Variants in USP34 observed in about 807,000 individuals in gnomAD.
USP34 encodes the protein ubiquitin carboxyl-terminal hydrolase 34.
USP34 carries 70 observed loss-of-function variants against 460.3 expected under a neutral mutation model. The ratio of observed to expected loss-of-function variants is 0.15; its 90% CI spans 0.13 to 0.19. The LOEUF is 0.19. USP34 is among the 10% of genes least tolerant of loss of function. The probability of loss-of-function intolerance (pLI) is 1.00; values close to 1 mark genes in which losing one functional copy is unlikely to be tolerated. For missense variants in USP34, 3,985 were observed against 4,236.2 expected (o/e 0.94, Z 1.65); for synonymous variants, 1,647 against 1,405.3 (o/e 1.17, Z -3.85).
chr2:61,462,735 C>T (rs1029810705), intron 1 of USP34, among the ~76,000 whole-genome samples: 2 of 151,758 alleles, frequency 1.3e-5, no homozygotes, highest in Admixed American at 1.3e-4. Context: ...ATGGCACATG[C>T]CTATAATCCC....
At chr2:61,291,591 T>C (rs1364917907) in intron 33 of USP34, among the ~76,000 whole-genome samples, 2 of 152,222 alleles carry the variant, frequency 1.3e-5, no homozygotes, top group African/African-American at 4.8e-5. Context: ...TGTTTGTGTG[T>C]GCATATATAT....
chr2:61,353,855 T>C (rs1692027678), intron 10 of USP34, among the ~76,000 whole-genome samples: 1 of 151,806 alleles, frequency 6.6e-6, no homozygotes, highest in Non-Finnish European at 1.5e-5. Flanking sequence ...AAAAAGAAAT[T>C]ATGGAAATGA....
rs2103777407 is a variant in USP34, at chr2:61,347,864, G to T, written c.2285+6C>A. 6.2e-7 allele frequency: 1 copy of T among 1,611,522 alleles called. No homozygotes were observed. Among genetic ancestry groups the T allele is most frequent in the African/African-American group, 1.3e-5 (1 of 74,962 alleles). ...GAACTGAATATTTATTTTGAAGTAG[G>T]CTTACCCATCGTGGTGGTGGTGATG... On this transcript the variant is annotated splice_donor_region_variant and intron_variant, in intron 15 of 79. Transcript: ENST00000398571.
intron 50 of USP34, among the ~76,000 whole-genome samples, 179 bp downstream of exon 50, chr2:61,246,145 T>C (rs1688411357): frequency 1.3e-5 from 2 of 152,236 alleles, no homozygotes; most frequent in Admixed American, 1.3e-4. Flanking sequence ...TCTCAAGAGT[T>C]AAAAGATCCG....
At chr2:61,369,264 A>C (rs1572974903) in intron 10 of USP34, among the ~76,000 whole-genome samples, 2 of 152,244 alleles carry the variant, frequency 1.3e-5, no homozygotes, top group East Asian at 3.8e-4. Context: ...CTTGTAAGTA[A>C]GAATTTATCA....
intron 75 of USP34, among the ~76,000 whole-genome samples, chr2:61,194,362 T>C (rs1686732157): frequency 1.3e-5 from 2 of 152,248 alleles, no homozygotes; most frequent in Admixed American, 6.5e-5. Context: ...TCTGTGGCTA[T>C]AGGGAAGAGA....
Position 61,259,855 on chromosome 2 carries a change from C to CA in USP34, c.5779-80dup. ...AGGCATTCTAGCAAAGAAAGTCTTG[C>CA]AATGTACACTGTATCTGTTTTCATT... On this transcript the variant is annotated intron_variant, in intron 43 of 79. Coordinates refer to ENST00000398571, the MANE Select transcript of USP34 (RefSeq NM_014709.4). 6 of 1,284,028 alleles carry CA rather than the reference C, an allele frequency of 4.7e-6. No homozygotes were observed. In the South Asian group the frequency reaches 6.1e-5, roughly 13 times the overall value. 79.5% of individuals were successfully genotyped at this position (1,284,028 alleles called of 1,614,324 possible). A position where few individuals can be genotyped will look rare whatever the true frequency, so the allele number is the denominator to read the frequency against.
intron 6 of USP34, among the ~76,000 whole-genome samples, chr2:61,382,497 C>T (rs957340469): frequency 1.1e-4 from 17 of 152,220 alleles, no homozygotes; most frequent in African/African-American, 4.1e-4. Flanking sequence ...AGGCCCCATA[C>T]TCCCTCTGTA....
At chr2:61,346,727 T>C (rs1024351781) in intron 15 of USP34, among the ~76,000 whole-genome samples, 1 of 143,586 alleles carries the variant, frequency 7.0e-6, no homozygotes, top group African/African-American at 2.6e-5. Flanking sequence ...AGCTGCTCAG[T>C]AGGCTGAAGC....
At chr2:61,243,553 C>T (rs1181372914) in intron 51 of USP34, among the ~76,000 whole-genome samples, 1 of 118,184 alleles carries the variant, frequency 8.5e-6, no homozygotes, top group Non-Finnish European at 1.7e-5. Context: ...TCCTCTTCTT[C>T]CTTCATTTTT....
At position 61,311,668 on chromosome 2, in the gene USP34, G is replaced by A; in HGVS notation, c.3689C>T (p.Pro1230Leu). ...CCTAAGATCTGCTACCTGGTCACTA[G>A]GATACATTTCAATAGTCATCTGAAA... ...LPDKMTIEMY[P>L]SDQVADLRAE... The change falls in exon 27 of 80, where the codon CCT (proline) becomes CTT (leucine). Residue 1230 changes from proline to leucine, a missense_variant. Around this residue, in one of 14 missense-constraint regions of USP34, gnomAD observed 1,114 missense variants for 1,122.5 expected, o/e 0.99. Coordinates refer to ENST00000398571, the MANE Select transcript of USP34 (RefSeq NM_014709.4). 3 of 1,612,316 alleles carry A rather than the reference G, an allele frequency of 1.9e-6. No homozygotes were observed. Among genetic ancestry groups the A allele is most frequent in the Non-Finnish European group, 2.5e-6 (3 of 1,179,542 alleles).
At chr2:61,236,895 T>C (rs1323923838) in intron 53 of USP34, among the ~76,000 whole-genome samples, 1 of 152,244 alleles carries the variant, frequency 6.6e-6, no homozygotes, top group African/African-American at 2.4e-5. Context: ...CTTACATTTT[T>C]GTCAGTTCTA....
At chr2:61,279,015 A>G (rs1196503874) in intron 39 of USP34, among the ~76,000 whole-genome samples, 1 of 152,176 alleles carries the variant, frequency 6.6e-6, no homozygotes, top group African/African-American at 2.4e-5. Context: ...CCTCAAAGAA[A>G]CCCAAATCTC....
rs1474105858 is a variant in USP34 at position 61,234,957 on chromosome 2, AT to A, written c.7032+887del. Among the ~76,000 whole-genome samples, 25 of 152,244 alleles carry A rather than the reference AT, an allele frequency of 1.6e-4. 1 individual carries two copies. Among genetic ancestry groups the A allele is most frequent in the African/African-American group, 5.8e-4 (24 of 41,544 alleles). ...AGTCCCAAGTTTCTGTTTTAAATAA[AT>A]TCTGGGGATCTTATGTACAGCATCA... On this transcript the variant is annotated intron_variant, in intron 57 of 79. Transcript: ENST00000398571.
chr2:61,238,652 T>A (rs573389547), intron 53 of USP34, among the ~76,000 whole-genome samples: 1 of 152,328 alleles, frequency 6.6e-6, no homozygotes, highest in Admixed American at 6.5e-5. Flanking sequence ...ATGTACACAG[T>A]ATTTTACATT....
chr2:61,368,784 A>C (rs1392283394), intron 10 of USP34, among the ~76,000 whole-genome samples: 2 of 152,160 alleles, frequency 1.3e-5, no homozygotes, highest in South Asian at 2.1e-4. Context: ...ATTCTCTTAT[A>C]ATGTTGTGAA....
chr2:61,388,437 G>A (rs1462123732), intron 5 of USP34, among the ~76,000 whole-genome samples: 4 of 146,380 alleles, frequency 2.7e-5, no homozygotes, highest in African/African-American at 1.0e-4. Flanking sequence ...TCGAGGGGAT[G>A]TGGGGGTACA....
intron 18 of USP34, among the ~76,000 whole-genome samples, chr2:61,334,593 A>C (rs564716866): frequency 8.8e-4 from 134 of 152,312 alleles, no homozygotes; most frequent in Middle Eastern, 3.4e-3. Context: ...CTTCATGAAA[A>C]AATTTTTCAC....
At chr2:61,334,830 C>G (rs1468775808) in intron 18 of USP34, among the ~76,000 whole-genome samples, 4 of 152,020 alleles carry the variant, frequency 2.6e-5, no homozygotes, top group Non-Finnish European at 4.4e-5. Context: ...TACTCCTACC[C>G]TAAAGGAATG....
Sources: gnomAD v4.1 joint callset for allele counts (sites outside exome capture counted in the v4.1 genomes callset) on GRCh38, gnomAD v4.1.1 for gene constraint, gnomAD v4.1.1 regional missense constraint, MANE v1.5 for transcripts, NCBI Gene and HGNC (gene_info 2026-07-23, HGNC 2026-07-21) for gene names.